The following PRICKLE1 variants were observed in gnomAD, a reference collection of about 807,000 sequenced individuals.
PRICKLE1 encodes the protein prickle-like protein 1.
PRICKLE1 carries 14 observed loss-of-function variants against 70.2 expected under a neutral mutation model. That is an observed-to-expected ratio of 0.20 (90% CI 0.13 to 0.31). The LOEUF is 0.31. Ranked by LOEUF, PRICKLE1 falls within the 10% of genes least tolerant of loss-of-function variation. PRICKLE1 has a pLI of 1.00. For synonymous variants in PRICKLE1, 357 were observed against 379.9 expected (o/e 0.94, Z 0.70); for missense variants, 821 against 1,026.2 (o/e 0.80, Z 2.73).
chr12:42,544,329 T>A (rs1255552018), intron 1 of PRICKLE1, among the ~76,000 whole-genome samples: 1 of 152,276 alleles, frequency 6.6e-6, no homozygotes, highest in African/African-American at 2.4e-5. Flanking sequence ...ATAGTAGATG[T>A]AATTTTTTTT....
chr12:42,565,286 T>C (rs1451615393), intron 1 of PRICKLE1, among the ~76,000 whole-genome samples: 1 of 151,910 alleles, frequency 6.6e-6, no homozygotes, highest in African/African-American at 2.4e-5. Flanking sequence ...CCCAGGTGAG[T>C]TGGATGGATG....
intron 1 of PRICKLE1, among the ~76,000 whole-genome samples, chr12:42,586,050 T>C (rs2120817362): frequency 6.6e-6 from 1 of 152,222 alleles, no homozygotes; most frequent in East Asian, 1.9e-4. Flanking sequence ...ACACCAACCT[T>C]CTAAAGATAT....
chr12:42,530,227 A>T (rs1207176421), intron 1 of PRICKLE1, among the ~76,000 whole-genome samples: 1 of 152,190 alleles, frequency 6.6e-6, no homozygotes, highest in Admixed American at 6.5e-5. Context: ...TACAGGCATA[A>T]GCCACTGCGC....
Position 42,472,498 on chromosome 12 carries a change from G to T in PRICKLE1, c.19C>A (p.Pro7Thr). Reference sequence around the variant, plus strand: ...CCAAAGGCCAGTTTGCTCATCTTGGGCTCCATCTCCAAAGGCATAAAGTTT... The same window carrying T: ...CCAAAGGCCAGTTTGCTCATCTTGGTCTCCATCTCCAAAGGCATAAAGTTT... MPLEMEPKMSKLAFGCQ... is the reference protein window; with the variant it reads MPLEMETKMSKLAFGCQ... Residue 7 changes from proline (P) to threonine (T), a missense_variant, in exon 2 of 8, where the codon CCC becomes ACC. Physicochemically the swap from Pro to Thr is conservative, Grantham distance 38. Coordinates refer to ENST00000345127, the MANE Select transcript of PRICKLE1 (RefSeq NM_153026.3). 1 of 1,614,150 alleles carries T rather than the reference G, an allele frequency of 6.2e-7. No individual in the cohort carries two copies.
chr12:42,505,421 T>A, intron 1 of PRICKLE1, among the ~76,000 whole-genome samples: 1 of 152,094 alleles, frequency 6.6e-6, no homozygotes, highest in Non-Finnish European at 1.5e-5. Flanking sequence ...GGGAATTAGG[T>A]TGCCTTTGTT....
intron 1 of PRICKLE1, among the ~76,000 whole-genome samples, chr12:42,549,426 CAT>C (rs1348363716): frequency 1.1e-4 from 16 of 152,134 alleles, no homozygotes; most frequent in African/African-American, 3.6e-4. Flanking sequence ...TTTCAGGAGT[CAT>C]GTGCAGAGTT....
chr12:42,570,724 G>A (rs1940695605), intron 1 of PRICKLE1, among the ~76,000 whole-genome samples: 1 of 152,166 alleles, frequency 6.6e-6, no homozygotes, highest in Non-Finnish European at 1.5e-5. Context: ...GGAGGCTGAG[G>A]CAGGAGAATC....
intron 1 of PRICKLE1, among the ~76,000 whole-genome samples, chr12:42,523,424 T>C (rs1242052247): frequency 6.6e-6 from 1 of 152,248 alleles, no homozygotes; most frequent in East Asian, 1.9e-4. Flanking sequence ...AAAGAGGCCA[T>C]CTTGCAGTTA....
intron 1 of PRICKLE1, among the ~76,000 whole-genome samples, chr12:42,521,571 G>A (rs1463118514): frequency 2.0e-5 from 3 of 152,040 alleles, no homozygotes; most frequent in African/African-American, 4.8e-5. Context: ...ATGGTGGCAT[G>A]TGCCTATAGT....
intron 1 of PRICKLE1, among the ~76,000 whole-genome samples, chr12:42,541,744 A>G (rs1010973035): frequency 3.7e-4 from 57 of 152,206 alleles, no homozygotes; most frequent in African/African-American, 1.3e-3. Flanking sequence ...TCACTAGCCA[A>G]AGAGCTTGTG....
At position 42,476,901 on chromosome 12, in the gene PRICKLE1, C is replaced by T. The variant is rs527409538; in HGVS notation, c.-48-4337G>A. 1.5e-3 allele frequency among the ~76,000 whole-genome samples: 212 copies of T among 139,046 alleles called. 1 individual carries two copies. The highest frequency in any genetic ancestry group is 2.7e-3 in the Non-Finnish European group (170 of 63,798). 91.2% of individuals were successfully genotyped at this position (139,046 alleles called of 152,430 possible). On this transcript the variant is annotated intron_variant, in intron 1 of 7. Coordinates refer to ENST00000345127, the MANE Select transcript of PRICKLE1 (RefSeq NM_153026.3). ...CTGGACTCAAAATATCCTCCTGCCT[C>T]GGCCTCCCAAAGTGCTGGGATTACA...
chr12:42,577,298 AT>A (rs369780531), intron 1 of PRICKLE1, among the ~76,000 whole-genome samples: 182 of 146,042 alleles, frequency 1.2e-3, no homozygotes, highest in Non-Finnish European at 1.0e-3. Flanking sequence ...ATATCACTGC[AT>A]TTTTTTTTTT....
chr12:42,569,775 C>T (rs566431915), intron 1 of PRICKLE1, among the ~76,000 whole-genome samples: 12 of 152,258 alleles, frequency 7.9e-5, no homozygotes, highest in African/African-American at 2.9e-4. Context: ...ACAGATGCAT[C>T]AATAATGGCA....
Position 42,560,768 on chromosome 12 carries a change from T to TCACA in PRICKLE1, c.-49+28693_-49+28696dup, listed in dbSNP as rs71084672. ...CTTGGCAGGTCAAAAGCCCATCTTC[T>TCACA]CACACACACACACACACACACACAC... On this transcript the variant is annotated intron_variant, in intron 1 of 7. Transcript: ENST00000345127. Among the ~76,000 whole-genome samples the TCACA allele has an allele frequency of 3.6e-3, 457 of 127,706 alleles. 3 individuals carry two copies. Among genetic ancestry groups the TCACA allele is most frequent in the African/African-American group, 0.011 (288 of 25,238 alleles). The allele number at this position is 127,706 out of a possible 152,430, so 83.8% of individuals were successfully genotyped here. A position where few individuals can be genotyped will look rare whatever the true frequency, so the allele number is the denominator to read the frequency against.
rs988635403 is a variant in PRICKLE1 at position 42,555,609 on chromosome 12, A to T, written c.-49+33856T>A. Among the ~76,000 whole-genome samples the T allele has an allele frequency of 3.3e-5, 5 of 152,332 alleles. No homozygotes were observed. The East Asian group carries it at 9.6e-4, about 29-fold the overall frequency. ...ATTTCAATGTTTTGTTGAGTTTCAA[A>T]TGACACAGAGCTCAGAGTTGAAAAT... On this transcript the variant is annotated intron_variant, in intron 1 of 7. Transcript: ENST00000345127.
chr12:42,563,702 C>CAAA (rs11367725), intron 1 of PRICKLE1, among the ~76,000 whole-genome samples: 71 of 46,450 alleles, frequency 1.5e-3, no homozygotes, highest in Admixed American at 3.7e-3. Context: ...GACTCTGTCT[C>CAAA]AAAAAAAAAA....
chr12:42,499,647 C>G (rs573777944), intron 1 of PRICKLE1, among the ~76,000 whole-genome samples: 2 of 152,182 alleles, frequency 1.3e-5, no homozygotes, highest in African/African-American at 4.8e-5. Flanking sequence ...TCTTGAACTC[C>G]TGACCTCAGG....
intron 1 of PRICKLE1, among the ~76,000 whole-genome samples, chr12:42,519,997 C>T (rs1939681377): frequency 6.6e-6 from 1 of 152,128 alleles, no homozygotes; most frequent in African/African-American, 2.4e-5. Flanking sequence ...AACGGTAGCC[C>T]AGGATGGGGT....
chr12:42,464,556 C>T lies in PRICKLE1; in HGVS notation c.1478G>A (p.Ser493Asn), dbSNP rs1938003802. Reference sequence around the variant, plus strand: ...TTCCAATTCCTGAAGCCTTCTACTGCTTGCAGGGCCTGGGTGGCTGCCATA... The same window carrying T: ...TTCCAATTCCTGAAGCCTTCTACTGTTTGCAGGGCCTGGGTGGCTGCCATA... ...SAYGSHPGPASSRRLQELELD... is the reference protein window; with the variant it reads ...SAYGSHPGPANSRRLQELELD... The change falls in exon 7 of 8, where the codon AGC (serine) becomes AAC (asparagine). Residue 493 changes from serine to asparagine, a missense_variant. Coordinates refer to ENST00000345127, the MANE Select transcript of PRICKLE1 (RefSeq NM_153026.3). The surrounding 1 kb of genome is among the most constrained non-coding windows in gnomAD (Gnocchi z 4.2). 1 of 1,613,928 alleles carries T rather than the reference C, an allele frequency of 6.2e-7. No individual in the cohort carries two copies. The highest frequency in any genetic ancestry group is 8.5e-7 in the Non-Finnish European group (1 of 1,180,016).
Sources: gnomAD v4.1 joint callset for allele counts (sites outside exome capture counted in the v4.1 genomes callset) on GRCh38, gnomAD v4.1.1 for gene constraint, Gnocchi (gnomAD v3.1) non-coding constraint, MANE v1.5 for transcripts, NCBI Gene and HGNC (gene_info 2026-07-23, HGNC 2026-07-21) for gene names.